Variants in TENM3 observed in about 807,000 individuals in gnomAD.
TENM3 encodes teneurin-3.
A neutral mutation model predicts 255.1 loss-of-function variants in TENM3; 63 were observed. The ratio of observed to expected loss-of-function variants is 0.25; its 90% CI spans 0.20 to 0.30. The LOEUF is 0.30. Ranked by LOEUF, TENM3 falls within the 10% of genes least tolerant of loss-of-function variation. The pLI, the probability that TENM3 is intolerant of heterozygous loss-of-function variation, is 1.00. For synonymous variants in TENM3, 1,306 were observed against 1,322.3 expected, an observed-to-expected ratio of 0.99 and a Z score of 0.27; for missense variants, 2,929 against 3,461.1, an observed-to-expected ratio of 0.85 and a Z score of 3.86.
chr4:181,472,571 G>A, the TENM3 span, among the ~76,000 whole-genome samples: 1 of 152,120 alleles, frequency 6.6e-6, no homozygotes, highest in African/African-American at 2.4e-5. Flanking sequence ...TGGATGCTGG[G>A]CAAGGGCAGG....
At chr4:181,697,218 C>T in the TENM3 span, among the ~76,000 whole-genome samples, 1 of 152,024 alleles carries the variant, frequency 6.6e-6, no homozygotes, top group Admixed American at 6.5e-5. Flanking sequence ...TGGCGAGTGC[C>T]TTGGCTGCCA....
the TENM3 span, among the ~76,000 whole-genome samples, chr4:181,643,958 C>A: frequency 1.2e-4 from 18 of 151,750 alleles, no homozygotes; most frequent in African/African-American, 4.4e-4. Flanking sequence ...GTGGTGCATG[C>A]CCACCTACTT....
chr4:182,704,029 T>A, intron 12 of TENM3, among the ~76,000 whole-genome samples: 1 of 152,174 alleles, frequency 6.6e-6, no homozygotes, highest in South Asian at 2.1e-4. Flanking sequence ...TGTATTATAG[T>A]TTTTTTTAAT....
chr4:181,752,933 C>A, the TENM3 span, among the ~76,000 whole-genome samples: 1 of 151,984 alleles, frequency 6.6e-6, no homozygotes, highest in Admixed American at 6.6e-5. Flanking sequence ...AGTTTAAAAC[C>A]TTTACCTGCT....
intron 3 of TENM3, among the ~76,000 whole-genome samples, chr4:182,498,773 C>T (rs761414161): frequency 1.3e-5 from 2 of 151,912 alleles, no homozygotes; most frequent in Non-Finnish European, 1.5e-5. Context: ...GAGAGTTGCT[C>T]GAACCCTGGA....
the TENM3 span, among the ~76,000 whole-genome samples, chr4:182,128,511 C>G: frequency 2.6e-5 from 4 of 152,060 alleles, no homozygotes; most frequent in Non-Finnish European, 5.9e-5. Flanking sequence ...CTGGCCTGTA[C>G]TTGTTTCTTT....
At chr4:181,866,590 C>T in the TENM3 span, among the ~76,000 whole-genome samples, 4 of 152,136 alleles carry the variant, frequency 2.6e-5, no homozygotes, top group African/African-American at 4.8e-5. Context: ...AGAGAGGCTG[C>T]TTTTCAGAAA....
chr4:182,612,356 C>T (rs1382427877), intron 4 of TENM3, among the ~76,000 whole-genome samples: 1 of 151,786 alleles, frequency 6.6e-6, no homozygotes, highest in Non-Finnish European at 1.5e-5. Flanking sequence ...TAAACACACA[C>T]AGAGTTTCAG....
intron 5 of TENM3, among the ~76,000 whole-genome samples, chr4:182,645,121 A>G (rs1054112151): frequency 6.6e-6 from 1 of 151,612 alleles, no homozygotes; most frequent in Non-Finnish European, 1.5e-5. Flanking sequence ...TCTGTTCATG[A>G]TATCAGTGAC....
At chr4:182,282,885 T>C (rs1393466998) in intron 1 of TENM3, among the ~76,000 whole-genome samples, 1 of 124,860 alleles carries the variant, frequency 8.0e-6, no homozygotes, top group African/African-American at 3.4e-5. Flanking sequence ...AGAGTGAGAC[T>C]CCATTTCAGA....
At chr4:181,473,147 T>C in the TENM3 span, among the ~76,000 whole-genome samples, 1 of 152,178 alleles carries the variant, frequency 6.6e-6, no homozygotes, top group Admixed American at 6.5e-5. Context: ...AATATTTTAA[T>C]GAAATAATGT....
chr4:181,486,499 T>G, the TENM3 span, among the ~76,000 whole-genome samples: 1 of 152,188 alleles, frequency 6.6e-6, no homozygotes, highest in Non-Finnish European at 1.5e-5. Flanking sequence ...ATTAGATATA[T>G]AAAAAAGGAG....
chr4:181,487,205 G>A, the TENM3 span, among the ~76,000 whole-genome samples: 9 of 152,118 alleles, frequency 5.9e-5, no homozygotes, highest in Non-Finnish European at 1.0e-4. Flanking sequence ...AAAGTGTGAC[G>A]GATCCAACAC....
At chr4:182,010,395 CTG>C in the TENM3 span, among the ~76,000 whole-genome samples, 6 of 151,942 alleles carry the variant, frequency 3.9e-5, no homozygotes, top group Non-Finnish European at 8.8e-5. Context: ...TTCAGAGAAA[CTG>C]TCAGAATACA....
intron 3 of TENM3, among the ~76,000 whole-genome samples, chr4:182,458,076 G>A (rs2151374379): frequency 6.6e-6 from 1 of 152,112 alleles, no homozygotes. Context: ...TTTATCAAGT[G>A]CTTATTGAGG....
chr4:182,147,340 G>A (rs1750039892), intron 1 of TENM3, among the ~76,000 whole-genome samples: 1 of 152,032 alleles, frequency 6.6e-6, no homozygotes, highest in Non-Finnish European at 1.5e-5. Context: ...CTACCTATAG[G>A]GATACTAGGG....
chr4:182,773,735 G>T (rs1443037949), intron 23 of TENM3, 88 bp downstream of exon 23: 1 of 1,197,140 alleles, frequency 8.4e-7, no homozygotes, highest in East Asian at 2.4e-5. Flanking sequence ...AACCAGAAAA[G>T]GGAAGGTGAA....
At chr4:181,749,682 G>A in the TENM3 span, among the ~76,000 whole-genome samples, 5 of 152,126 alleles carry the variant, frequency 3.3e-5, no homozygotes, top group African/African-American at 9.7e-5. Context: ...GATGGTTGGT[G>A]TGTTAACAAG....
intron 3 of TENM3, among the ~76,000 whole-genome samples, chr4:182,582,313 G>A (rs1745563958): frequency 6.6e-6 from 1 of 152,168 alleles, no homozygotes; most frequent in Non-Finnish European, 1.5e-5. Context: ...AATTAGTATG[G>A]AGAGCTTTGG....
Sources: gnomAD v4.1 joint callset for allele counts (sites outside exome capture counted in the v4.1 genomes callset) on GRCh38, gnomAD v4.1.1 for gene constraint, MANE v1.5 for transcripts, NCBI Gene and HGNC (gene_info 2026-07-23, HGNC 2026-07-21) for gene names.